Variants in ZNF286A observed in about 807,000 individuals in gnomAD.
The protein encoded by ZNF286A is zinc finger protein ZNF286.
In ZNF286A, 34 loss-of-function variants were observed where a neutral mutation model predicts 49.3. That is an observed-to-expected ratio of 0.69 (90% CI 0.52 to 0.92). The LOEUF (loss-of-function observed/expected upper bound fraction) is 0.92. ZNF286A is among the 40% of genes least tolerant of loss of function. ZNF286A has a pLI of 0.00. For synonymous variants in ZNF286A, 155 were observed against 200.4 expected, an observed-to-expected ratio of 0.77 and a Z score of 1.91; for missense variants, 462 against 600.2, an observed-to-expected ratio of 0.77 and a Z score of 2.41.
At chr17:15,707,803 C>T (rs1990348841) in intron 4 of ZNF286A, among the ~76,000 whole-genome samples, 2 of 152,158 alleles carry the variant, frequency 1.3e-5, no homozygotes, top group African/African-American at 4.8e-5. Flanking sequence ...AGGTTGAGAC[C>T]ATATTCCGGT....
rs1238774898 is a variant in ZNF286A, at chr17:15,717,085, C to T, written c.1361C>T (p.Ala454Val). The part of the protein sequence containing the change: ...GKTFSRSSNF[A>V]KHQRIHIGKK... ...ACCTTCAGCCGGAGCTCCAATTTTGCTAAACATCAAAGAATTCATATTGGA... is the reference window on the plus strand; with the variant it reads ...ACCTTCAGCCGGAGCTCCAATTTTGTTAAACATCAAAGAATTCATATTGGA... The change falls in exon 6 of 6, where the codon GCT becomes GTT. Residue 454 changes from alanine (A) to valine (V), a missense_variant. Around this residue, in one of 3 missense-constraint regions of ZNF286A, gnomAD observed 201 missense variants for 311.3 expected, o/e 0.65. Coordinates refer to ENST00000583566, the MANE Select transcript of ZNF286A (RefSeq NM_001130842.2). 2.5e-6 allele frequency: 4 copies of T among 1,613,926 alleles called. No homozygotes were observed. The highest frequency in any genetic ancestry group is 3.4e-6 in the Non-Finnish European group (4 of 1,180,036).
In ZNF286A at chr17:15,704,936, C is replaced by T. The variant is rs574167478; in HGVS notation, c.127-1451C>T. ...GGCCGGGGGCGGGTCCCCCCGGCCC[C>T]CTTCCTGCGTTCTTCGGTCCGCCGG... On this transcript the variant is annotated intron_variant, in intron 3 of 5. Coordinates refer to ENST00000583566, the MANE Select transcript of ZNF286A (RefSeq NM_001130842.2). The T allele has an allele frequency of 4.4e-3, 6,796 of 1,547,458 alleles. 54 individuals carry two copies. The highest frequency in any genetic ancestry group is 0.017 in the Middle Eastern group (71 of 4,284).
chr17:15,715,073 G>A (rs192363073), intron 5 of ZNF286A, among the ~76,000 whole-genome samples: 1 of 151,680 alleles, frequency 6.6e-6, no homozygotes, highest in African/African-American at 2.4e-5. Context: ...ATATAAATTA[G>A]CTTTATATTG....
chr17:15,706,386 G>A lies in ZNF286A; in HGVS notation c.127-1G>A. 2 of 1,612,174 alleles carry A rather than the reference G, an allele frequency of 1.2e-6. No homozygotes were observed. Among genetic ancestry groups the A allele is most frequent in the Non-Finnish European group, 1.7e-6 (2 of 1,178,400 alleles). On this transcript the variant is annotated splice_acceptor_variant, in intron 3 of 5. Coordinates refer to ENST00000583566, the MANE Select transcript of ZNF286A (RefSeq NM_001130842.2). LOFTEE classifies it high-confidence loss of function. ...GTTGAAAAAAATATTTTATGTTTTA[G>A]GAAACAGTGACATTCAAGGATGTGG... is the stretch of plus-strand genomic sequence containing the variant.
intron 3 of ZNF286A, chr17:15,704,197 G>C: frequency 3.4e-6 from 5 of 1,478,500 alleles, no homozygotes; most frequent in Non-Finnish European, 4.6e-6. Flanking sequence ...GGACAGGAGA[G>C]GTTGGGGTCA....
Position 15,717,350 on chromosome 17 carries a change from GT to G in ZNF286A, c.*63del. 1 of 1,362,382 alleles carries G rather than the reference GT, an allele frequency of 7.3e-7. No homozygotes were observed. Among genetic ancestry groups the G allele is most frequent in the Non-Finnish European group, 9.9e-7 (1 of 1,005,614 alleles). The allele number at this position is 1,362,382 out of a possible 1,614,324, so 84.4% of individuals were successfully genotyped here. A position where few individuals can be genotyped will look rare whatever the true frequency, so the allele number is the denominator to read the frequency against. The stretch of plus-strand genomic sequence containing the variant: ...TTATCACTGTATTAAATACTTGAGT[GT>G]TTAGGTGGAAGGCGCATCCATAATA... On this transcript the variant is annotated 3_prime_UTR_variant, in exon 6 of 6. Transcript: ENST00000583566.
intron 5 of ZNF286A, 41 bp downstream of exon 5, chr17:15,708,288 GC>G: frequency 6.7e-7 from 1 of 1,493,092 alleles, no homozygotes; most frequent in Non-Finnish European, 9.0e-7. Flanking sequence ...TGATAGCCCA[GC>G]AGGACAATGA....
At chr17:15,707,851 C>A (rs1169542592) in intron 4 of ZNF286A, among the ~76,000 whole-genome samples, 2 of 152,120 alleles carry the variant, frequency 1.3e-5, no homozygotes, top group African/African-American at 2.4e-5. Flanking sequence ...CTAAGTCCAG[C>A]AGGACGGTGG....
Position 15,716,821 on chromosome 17 carries a change from C to T in ZNF286A, c.1097C>T (p.Ser366Leu). The change falls in exon 6 of 6, where the codon TCA becomes TTA. Residue 366 changes from serine to leucine, a missense_variant. Around this residue, in one of 3 missense-constraint regions of ZNF286A, gnomAD observed 201 missense variants for 311.3 expected, o/e 0.65. Coordinates refer to ENST00000583566, the MANE Select transcript of ZNF286A (RefSeq NM_001130842.2). Reference sequence around the variant, plus strand: ...GAATGTGATAAAGCTTTTATTCATTCATCAGCACTCATTAAACATCAAAGA... The same window carrying T: ...GAATGTGATAAAGCTTTTATTCATTTATCAGCACTCATTAAACATCAAAGA... ...CNECDKAFIH[S>L]SALIKHQRTH... The T allele has an allele frequency of 6.2e-7, 1 of 1,613,490 alleles. No homozygotes were observed. The highest frequency in any genetic ancestry group is 8.5e-7 in the Non-Finnish European group (1 of 1,179,734).
intron 3 of ZNF286A, chr17:15,704,973 G>C (rs1393254934): frequency 1.7e-6 from 2 of 1,185,462 alleles, no homozygotes; most frequent in East Asian, 5.6e-5. Context: ...CGGGGCGGGG[G>C]CCCAACTGCT....
chr17:15,706,211 GT>G (rs1275575065), intron 3 of ZNF286A, among the ~76,000 whole-genome samples, 175 bp from the exon 4 acceptor site: 2 of 152,092 alleles, frequency 1.3e-5, no homozygotes, highest in Non-Finnish European at 2.9e-5. Flanking sequence ...ATAATTGATA[GT>G]TACCCTTTAC....
chr17:15,711,558 G>GCCTC (rs1203605787), intron 5 of ZNF286A: 1 of 152,200 alleles, frequency 6.6e-6, no homozygotes. Context: ...AGGAGTACAG[G>GCCTC]CCTCAACTGA....
At chr17:15,712,823 G>A (rs187201754) in intron 5 of ZNF286A, among the ~76,000 whole-genome samples, 20 of 151,960 alleles carry the variant, frequency 1.3e-4, no homozygotes, top group African/African-American at 2.2e-4. Flanking sequence ...ATGGCTTCTC[G>A]CTGCCTTCAC....
chr17:15,715,483 A>T (rs1966984874), intron 5 of ZNF286A, among the ~76,000 whole-genome samples: 1 of 152,128 alleles, frequency 6.6e-6, no homozygotes. Flanking sequence ...TTGCTACCTG[A>T]ATTAGTGCTT....
intron 3 of ZNF286A, chr17:15,704,853 C>T (rs1343447844): frequency 8.1e-6 from 13 of 1,612,658 alleles, no homozygotes; most frequent in South Asian, 1.1e-5. Flanking sequence ...CCTCCTTGTA[C>T]ACCAGGCGGA....
intron 5 of ZNF286A, among the ~76,000 whole-genome samples, chr17:15,712,009 C>T (rs1213561778): frequency 2.6e-5 from 4 of 151,686 alleles, no homozygotes; most frequent in Admixed American, 6.6e-5. Context: ...GTAGCTGGGA[C>T]TACAGGTGCC....
chr17:15,708,236 G>A lies in ZNF286A; in HGVS notation c.323G>A (p.Ser108Asn), dbSNP rs759827295. The A allele has an allele frequency of 1.7e-5, 27 of 1,588,592 alleles. No individual in the cohort carries two copies. Among genetic ancestry groups the A allele is most frequent in the Non-Finnish European group, 2.1e-5 (25 of 1,167,616 alleles). Residue 108 changes from serine to asparagine, a missense_variant, in exon 5 of 6, where the codon AGC (serine) becomes AAC (asparagine). Transcript: ENST00000583566. ...PLKLERKAPKSSYSDMETRPQ... is the reference protein window; with the variant it reads ...PLKLERKAPKNSYSDMETRPQ... Reference sequence around the variant, plus strand: ...AAGCTTGAGAGAAAAGCCCCCAAAAGCAGCTATTCAGGTGAGCCAGATAGA... The same window carrying A: ...AAGCTTGAGAGAAAAGCCCCCAAAAACAGCTATTCAGGTGAGCCAGATAGA...
chr17:15,704,427 G>A (rs1425287636), intron 3 of ZNF286A: 2 of 1,607,472 alleles, frequency 1.2e-6, no homozygotes, highest in East Asian at 2.2e-5. Context: ...TGGGCCCGCC[G>A]GCGCCCCCGT....
At chr17:15,705,775 G>A (rs1163749247) in intron 3 of ZNF286A, among the ~76,000 whole-genome samples, 3 of 152,054 alleles carry the variant, frequency 2.0e-5, no homozygotes, top group Non-Finnish European at 1.5e-5. Flanking sequence ...TATGGTTTTT[G>A]TATTTTTTGT....
Sources: gnomAD v4.1 joint callset for allele counts (sites outside exome capture counted in the v4.1 genomes callset) on GRCh38, gnomAD v4.1.1 for gene constraint, gnomAD v4.1.1 regional missense constraint, MANE v1.5 for transcripts, NCBI Gene and HGNC (gene_info 2026-07-23, HGNC 2026-07-21) for gene names.